NOD2: variants seen among roughly 807,000 people sequenced by gnomAD.
The protein encoded by NOD2 is nucleotide binding oligomerization domain containing 2.
NOD2 carries 86 observed loss-of-function variants against 90.9 expected under a neutral mutation model. The observed-to-expected ratio is 0.95, with a 90% CI of 0.79 to 1.13. The LOEUF (loss-of-function observed/expected upper bound fraction) is 1.13. NOD2 is among the 50% of genes most tolerant of loss of function. The pLI is 0.00. For missense variants in NOD2, 1,238 were observed against 1,283.8 expected (o/e 0.96, Z 0.55); for synonymous variants, 581 against 554.6 (o/e 1.05, Z -0.67).
intron 3 of NOD2, among the ~76,000 whole-genome samples, chr16:50,709,018 A>G (rs193051767): frequency 4.6e-5 from 7 of 152,198 alleles, no homozygotes; most frequent in Admixed American, 4.6e-4. Context: ...TAAAGGTGAC[A>G]ATTGGTGTGT....
At chr16:50,730,171 T>C (rs1464981788) in intron 11 of NOD2, among the ~76,000 whole-genome samples, 1 of 152,172 alleles carries the variant, frequency 6.6e-6, no homozygotes, top group Non-Finnish European at 1.5e-5. Flanking sequence ...GGAATGGGGA[T>C]GTGGTTGAAG....
chr16:50,725,378 C>A, intron 9 of NOD2, 111 bp from the exon 10 acceptor site: 1 of 788,386 alleles, frequency 1.3e-6, no homozygotes, highest in Non-Finnish European at 2.3e-6. Flanking sequence ...CTTTCTTTAT[C>A]CATGAGTTTG....
chr16:50,721,262 T>A (rs1460990517), intron 7 of NOD2, among the ~76,000 whole-genome samples: 1 of 151,634 alleles, frequency 6.6e-6, no homozygotes, highest in African/African-American at 2.4e-5. Context: ...CAGGGGTATT[T>A]ACCTCTTTCA....
At chr16:50,699,354 T>A in intron 1 of NOD2, 134 bp from the exon 2 acceptor site, 1 of 724,414 alleles carries the variant, frequency 1.4e-6, no homozygotes, top group Non-Finnish European at 2.5e-6. Flanking sequence ...GTGGGGAGCT[T>A]GGATTGGGTA....
intron 6 of NOD2, among the ~76,000 whole-genome samples, chr16:50,717,530 C>T (rs1425255626): frequency 6.6e-6 from 1 of 152,212 alleles, no homozygotes; most frequent in African/African-American, 2.4e-5. Context: ...GCTTCTCTCT[C>T]CTTCTCTCTC....
At position 50,699,487 on chromosome 16, in the gene NOD2, G is replaced by T; in HGVS notation, c.-8-1G>T. On this transcript the variant is annotated splice_acceptor_variant, in intron 1 of 11. Coordinates refer to ENST00000647318, the MANE Select transcript of NOD2 (RefSeq NM_001370466.1). LOFTEE classifies it low-confidence loss of function (5UTR_SPLICE). Reference sequence around the variant, plus strand: ...CGCACTGACCTTGTTCTCCTCCCCAGGTTGTGAAATGTGCTCGCAGGAGGC... The same window carrying T: ...CGCACTGACCTTGTTCTCCTCCCCATGTTGTGAAATGTGCTCGCAGGAGGC... The T allele has an allele frequency of 6.2e-7, 1 of 1,612,928 alleles. No homozygotes were observed. The highest frequency in any genetic ancestry group is 1.1e-5 in the South Asian group (1 of 91,018).
Position 50,711,826 on chromosome 16 carries a change from C to T in NOD2, c.1834C>T (p.Pro612Ser). 1 of 1,613,950 alleles carries T rather than the reference C, an allele frequency of 6.2e-7. No homozygotes were observed. Among genetic ancestry groups the T allele is most frequent in the African/African-American group, 1.3e-5 (1 of 75,080 alleles). The change falls in exon 4 of 12, where the codon CCA becomes TCA. Residue 612 changes from proline to serine, a missense_variant. Pro to Ser is a moderately conservative substitution (Grantham distance 74, BLOSUM62 -1). Around this residue, in one of 3 missense-constraint regions of NOD2, gnomAD observed 667 missense variants for 688.7 expected, o/e 0.97. Coordinates refer to ENST00000647318, the MANE Select transcript of NOD2 (RefSeq NM_001370466.1). ...CAATTGTGGCAGGCCAGGCAACTCA[C>T]CAATGGCCAGGCTCCTGCCCACGAT... ...LFNCGRPGNS[P>S]MARLLPTMCI... is the part of the protein sequence containing the mutation.
At chr16:50,701,525 A>C (rs977270932) in intron 2 of NOD2, among the ~76,000 whole-genome samples, 1 of 152,244 alleles carries the variant, frequency 6.6e-6, no homozygotes, top group African/African-American at 2.4e-5. Flanking sequence ...GATTAGTTGC[A>C]CGTACAGAAG....
At position 50,711,973 on chromosome 16, in the gene NOD2, G is replaced by A; in HGVS notation, c.1981G>A (p.Gly661Ser). 6.2e-7 allele frequency: 1 copy of A among 1,613,396 alleles called. No homozygotes were observed. Among genetic ancestry groups the A allele is most frequent in the Non-Finnish European group, 8.5e-7 (1 of 1,179,886 alleles). The change falls in exon 4 of 12, where the codon GGC (glycine) becomes AGC (serine). Residue 661 changes from glycine to serine, a missense_variant. Coordinates refer to ENST00000647318, the MANE Select transcript of NOD2 (RefSeq NM_001370466.1). The part of the protein sequence containing the change: ...LAGLLSREHW[G>S]LLAECQTSEK... ...AGGGCTGTTGTCCCGGGAGCACTGG[G>A]GCCTGCTGGCTGAGTGCCAGACATC...
chr16:50,695,062 T>G (rs1482395798), intron 1 of NOD2, among the ~76,000 whole-genome samples: 1 of 149,134 alleles, frequency 6.7e-6, no homozygotes, highest in Non-Finnish European at 1.5e-5. Flanking sequence ...GTTTTCACTC[T>G]GAGCATGATG....
At chr16:50,695,693 T>A (rs906934543) in intron 1 of NOD2, among the ~76,000 whole-genome samples, 9 of 151,552 alleles carry the variant, frequency 5.9e-5, no homozygotes, top group Admixed American at 2.6e-4. Context: ...AGAGTGAAAA[T>A]CAGAGAGTTG....
At chr16:50,702,224 G>A (rs995114914) in intron 2 of NOD2, among the ~76,000 whole-genome samples, 1 of 152,208 alleles carries the variant, frequency 6.6e-6, no homozygotes, top group Admixed American at 6.5e-5. Flanking sequence ...ATGAGCCACT[G>A]CGCCCATCTA....
chr16:50,703,381 T>C (rs1467752276), intron 2 of NOD2, among the ~76,000 whole-genome samples: 1 of 152,218 alleles, frequency 6.6e-6, no homozygotes, highest in African/African-American at 2.4e-5. Context: ...GGCTCAAGCC[T>C]TTAATCCCAG....
rs1200152449 is a variant in NOD2, at chr16:50,712,289, T to C, written c.2297T>C (p.Val766Ala). The change falls in exon 4 of 12, where the codon GTG becomes GCG. Residue 766 changes from valine (V) to alanine (A), a missense_variant. Physicochemically the swap from Val to Ala is moderately conservative, Grantham distance 64. Transcript: ENST00000647318. ...AFVLQHLRRP[V>A]ALQLDYNSVG... ...GTGCTGCAGCACCTCCGGCGGCCCGTGGCCCTGCAGCTGGACTACAACTCT... is the reference window on the plus strand; with the variant it reads ...GTGCTGCAGCACCTCCGGCGGCCCGCGGCCCTGCAGCTGGACTACAACTCT... 6.2e-7 allele frequency: 1 copy of C among 1,613,938 alleles called. No individual in the cohort carries two copies. The highest frequency in any genetic ancestry group is 1.3e-5 in the African/African-American group (1 of 74,950).
At chr16:50,720,289 T>C (rs1035805234) in intron 7 of NOD2, among the ~76,000 whole-genome samples, 1 of 152,172 alleles carries the variant, frequency 6.6e-6, no homozygotes, top group Non-Finnish European at 1.5e-5. Flanking sequence ...GGCTGTACTT[T>C]AGCTGCATAT....
At chr16:50,703,366 G>A (rs546594878) in intron 2 of NOD2, among the ~76,000 whole-genome samples, 1 of 152,312 alleles carries the variant, frequency 6.6e-6, no homozygotes, top group East Asian at 1.9e-4. Context: ...TAGGCTGGGT[G>A]CAGTGGCTCA....
At chr16:50,715,026 T>A (rs1053202369) in intron 4 of NOD2, among the ~76,000 whole-genome samples, 3 of 152,192 alleles carry the variant, frequency 2.0e-5, no homozygotes, top group Admixed American at 2.0e-4. Flanking sequence ...CTCAGGACCT[T>A]CAAAATGATT....
Position 50,723,572 on chromosome 16 carries a change from G to A in NOD2, c.2801+188G>A, listed in dbSNP as rs374741507. Among the ~76,000 whole-genome samples the A allele has an allele frequency of 3.3e-5, 5 of 152,274 alleles. No individual in the cohort carries two copies. In the South Asian group the frequency reaches 8.3e-4, roughly 25 times the overall value. Reference sequence around the variant, plus strand: ...AGCTTATAGAGCCTGGTATGTACATGCTAATTTTTTTATTTAATAAAATAT... The same window carrying A: ...AGCTTATAGAGCCTGGTATGTACATACTAATTTTTTTATTTAATAAAATAT... On this transcript the variant is annotated intron_variant, in intron 9 of 11. Coordinates refer to ENST00000647318, the MANE Select transcript of NOD2 (RefSeq NM_001370466.1).
intron 5 of NOD2, 48 bp from the exon 6 acceptor site, chr16:50,716,843 G>A (rs376745223): frequency 2.9e-5 from 46 of 1,582,880 alleles, no homozygotes; most frequent in Non-Finnish European, 3.6e-5. Flanking sequence ...GGTGCTCACT[G>A]TCCAATGTGC....
Sources: gnomAD v4.1 joint callset for allele counts (sites outside exome capture counted in the v4.1 genomes callset) on GRCh38, gnomAD v4.1.1 for gene constraint, gnomAD v4.1.1 regional missense constraint, MANE v1.5 for transcripts, NCBI Gene and HGNC (gene_info 2026-07-23, HGNC 2026-07-21) for gene names.